Variants in FAM135B observed in about 807,000 individuals in gnomAD.
The protein encoded by FAM135B is family with sequence similarity 135 member B.
FAM135B carries 43 observed loss-of-function variants against 127.7 expected under a neutral mutation model. The ratio of observed to expected loss-of-function variants is 0.34; its 90% CI spans 0.26 to 0.43. The LOEUF (loss-of-function observed/expected upper bound fraction) is 0.43. Ranked by LOEUF, FAM135B falls within the 20% of genes least tolerant of loss-of-function variation. The pLI, the probability that FAM135B is intolerant of heterozygous loss-of-function variation, is 1.00. For synonymous variants in FAM135B, 670 were observed against 665.1 expected (o/e 1.01, Z -0.11); for missense variants, 1,558 against 1,725.6 (o/e 0.90, Z 1.72).
intron 7 of FAM135B, among the ~76,000 whole-genome samples, chr8:138,198,356 C>A (rs1816831158): frequency 6.6e-6 from 1 of 152,162 alleles, no homozygotes; most frequent in Non-Finnish European, 1.5e-5. Context: ...TTGGGTATGT[C>A]TTTATTAGCA....
intron 9 of FAM135B, among the ~76,000 whole-genome samples, chr8:138,193,581 C>A (rs778098642): frequency 1.3e-5 from 2 of 152,194 alleles, no homozygotes; most frequent in African/African-American, 4.8e-5. Flanking sequence ...AACTAAATTT[C>A]TGATAATTTA....
intron 2 of FAM135B, among the ~76,000 whole-genome samples, chr8:138,364,504 G>T (rs1488579946): frequency 6.6e-6 from 1 of 152,138 alleles, no homozygotes; most frequent in Non-Finnish European, 1.5e-5. Context: ...AGCATATGTA[G>T]TCATAAGATT....
intron 3 of FAM135B, 35 bp downstream of exon 3, chr8:138,310,806 G>A (rs76371450): frequency 6.9e-6 from 11 of 1,587,158 alleles, no homozygotes; most frequent in Non-Finnish European, 9.5e-6. Flanking sequence ...GTTCGCCATT[G>A]GGGGCAAGTG....
rs529815793 is a variant in FAM135B, at chr8:138,338,392, T to A, written c.78-27472A>T. ...AAGGGCTAATACCCAGAATCTACAATGAACTCAAACAAATTTACAAGAAAA... is the reference window on the plus strand; with the variant it reads ...AAGGGCTAATACCCAGAATCTACAAAGAACTCAAACAAATTTACAAGAAAA... On this transcript the variant is annotated intron_variant, in intron 2 of 19. Coordinates refer to ENST00000395297, the MANE Select transcript of FAM135B (RefSeq NM_015912.4). Among the ~76,000 whole-genome samples the A allele has an allele frequency of 6.3e-3, 948 of 151,604 alleles. 11 individuals carry two copies. Among genetic ancestry groups the A allele is most frequent in the African/African-American group, 0.022 (901 of 41,034 alleles).
intron 2 of FAM135B, among the ~76,000 whole-genome samples, chr8:138,333,722 T>C (rs1459333304): frequency 6.6e-6 from 1 of 152,188 alleles, no homozygotes; most frequent in African/African-American, 2.4e-5. Flanking sequence ...TGAGAAAGGA[T>C]TTATAAGATA....
chr8:138,450,504 C>G (rs1348367553), intron 1 of FAM135B: 1 of 152,182 alleles, frequency 6.6e-6, no homozygotes, highest in Non-Finnish European at 1.5e-5. Flanking sequence ...CCCTTGCCAG[C>G]ATTTGGTGGT....
At chr8:138,226,184 T>TGTGCGCGC in intron 7 of FAM135B, among the ~76,000 whole-genome samples, 3 of 139,202 alleles carry the variant, frequency 2.2e-5, no homozygotes, top group African/African-American at 8.1e-5. Flanking sequence ...TGTGTGTGTG[T>TGTGCGCGC]GCGCGCATGT....
At chr8:138,174,213 G>A (rs1157832518) in intron 11 of FAM135B, among the ~76,000 whole-genome samples, 3 of 152,112 alleles carry the variant, frequency 2.0e-5, no homozygotes, top group South Asian at 2.1e-4. Context: ...GTGACCCATT[G>A]TTTGAGAAAC....
At chr8:138,155,268 C>G (rs543209042) in intron 12 of FAM135B, among the ~76,000 whole-genome samples, 1 of 152,298 alleles carries the variant, frequency 6.6e-6, no homozygotes, top group South Asian at 2.1e-4. Context: ...CACCACCAGG[C>G]CTGCCTTACA....
At chr8:138,168,138 C>T (rs1401180323) in intron 11 of FAM135B, 89 bp from the exon 12 acceptor site, 6 of 1,396,016 alleles carry the variant, frequency 4.3e-6, no homozygotes, top group African/African-American at 2.9e-5. Context: ...GGAAAATACT[C>T]GGTTCTCAGC....
chr8:138,308,025 C>T (rs1567687), intron 3 of FAM135B, among the ~76,000 whole-genome samples: 2,105 of 152,256 alleles, frequency 0.014, 22 homozygotes, highest in Non-Finnish European at 0.021. Context: ...TTCCAATGAA[C>T]GGCGAGAGTC....
chr8:138,251,264 C>T (rs548507572), intron 5 of FAM135B, among the ~76,000 whole-genome samples: 5 of 152,280 alleles, frequency 3.3e-5, no homozygotes, highest in East Asian at 3.9e-4. Flanking sequence ...TCCACTGTCA[C>T]GGACATCAAG....
chr8:138,430,004 CGA>C (rs1242773138), intron 1 of FAM135B, among the ~76,000 whole-genome samples: 2 of 152,082 alleles, frequency 1.3e-5, no homozygotes, highest in Non-Finnish European at 2.9e-5. Context: ...TCTACTATGC[CGA>C]GTTTCTTTAA....
At chr8:138,256,599 A>T in intron 5 of FAM135B, 90 bp downstream of exon 5, 1 of 1,043,226 alleles carries the variant, frequency 9.6e-7, no homozygotes, top group Non-Finnish European at 1.5e-6. Flanking sequence ...AGACGTTCTG[A>T]GGTTCAAGGC....
At chr8:138,476,433 G>A (rs1349634561) in intron 1 of FAM135B, among the ~76,000 whole-genome samples, 2 of 151,314 alleles carry the variant, frequency 1.3e-5, no homozygotes, top group Non-Finnish European at 2.9e-5. Flanking sequence ...GGATGCTGAT[G>A]AGGGGCTGTG....
chr8:138,264,504 G>A (rs534134017), intron 4 of FAM135B, among the ~76,000 whole-genome samples: 2 of 152,138 alleles, frequency 1.3e-5, no homozygotes, highest in Non-Finnish European at 2.9e-5. Context: ...CTAGGGAGCT[G>A]AGTATGTAGC....
intron 3 of FAM135B, among the ~76,000 whole-genome samples, chr8:138,288,476 C>T (rs908325857): frequency 2.6e-5 from 4 of 151,940 alleles, no homozygotes; most frequent in Non-Finnish European, 5.9e-5. Flanking sequence ...TCTGAGGGAT[C>T]TGGAGGAAAG....
At chr8:138,264,206 T>C (rs1822744894) in intron 4 of FAM135B, among the ~76,000 whole-genome samples, 1 of 152,224 alleles carries the variant, frequency 6.6e-6, no homozygotes, top group South Asian at 2.1e-4. Flanking sequence ...GCCTGAATCT[T>C]CCTCCGCAGT....
intron 2 of FAM135B, among the ~76,000 whole-genome samples, chr8:138,319,807 A>C (rs1007037914): frequency 6.6e-6 from 1 of 152,210 alleles, no homozygotes; most frequent in Non-Finnish European, 1.5e-5. Flanking sequence ...GTTGCAGATG[A>C]AATTAAAGCT....
Sources: allele counts gnomAD v4.1 joint callset (sites outside exome capture counted in the v4.1 genomes callset), GRCh38; gene constraint gnomAD v4.1.1; transcripts MANE v1.5; gene names NCBI Gene and HGNC (gene_info 2026-07-23, HGNC 2026-07-21).